Variants in C1orf21 observed in about 807,000 individuals in gnomAD.
C1orf21 encodes chromosome 1 open reading frame 21.
In C1orf21, 3 loss-of-function variants were observed where a neutral mutation model predicts 18.7. The ratio of observed to expected loss-of-function variants is 0.16; its 90% CI spans 0.07 to 0.42. The LOEUF is 0.42. C1orf21 is among the 10% of genes least tolerant of loss of function. The probability of loss-of-function intolerance (pLI) is 0.99; values close to 1 mark genes in which losing one functional copy is unlikely to be tolerated. For synonymous variants in C1orf21, 41 were observed against 46.4 expected, an observed-to-expected ratio of 0.88 and a Z score of 0.47; for missense variants, 104 against 143.6, an observed-to-expected ratio of 0.72 and a Z score of 1.41.
chr1:184,521,605 A>C (rs529570129), intron 3 of C1orf21, among the ~76,000 whole-genome samples: 2 of 152,340 alleles, frequency 1.3e-5, no homozygotes, highest in East Asian at 3.9e-4. Context: ...ACAAAAAAGA[A>C]GGGTGTATAG....
rs532462000 is a variant in C1orf21 at position 184,577,342 on chromosome 1, G to A, written c.190-13397G>A. 4.9e-4 allele frequency among the ~76,000 whole-genome samples: 75 copies of A among 152,150 alleles called. 1 individual carries two copies. Among genetic ancestry groups the A allele is most frequent in the African/African-American group, 1.7e-3 (71 of 41,500 alleles). ...CTATGGACCGAGGCGGGTCGGTGAT[G>A]TGTAGAAGCTAGAAAGGCAATGAAA... On this transcript the variant is annotated intron_variant, in intron 3 of 5. Coordinates refer to ENST00000235307, the MANE Select transcript of C1orf21 (RefSeq NM_030806.4).
intron 1 of C1orf21, among the ~76,000 whole-genome samples, chr1:184,471,796 G>T (rs1657500160): frequency 6.6e-6 from 1 of 152,144 alleles, no homozygotes; most frequent in Admixed American, 6.5e-5. Flanking sequence ...CAAAATCCTT[G>T]TATCTTTGGA....
chr1:184,622,253 T>C lies in C1orf21; in HGVS notation c.*2697T>C, dbSNP rs1023312664. ...GGGTAAGTGGCCTGGTGAGTGGAGG[T>C]AGAAAAATGATGAGAAATGAACTGA... On this transcript the variant is annotated 3_prime_UTR_variant, in exon 6 of 6. Transcript: ENST00000235307. 6.6e-6 allele frequency: 1 copy of C among 151,568 alleles called. No individual in the cohort carries two copies. The highest frequency in any genetic ancestry group is 2.4e-5 in the African/African-American group (1 of 41,144). The allele number at this position is 151,568 out of a possible 1,614,324, so 9.4% of individuals were successfully genotyped here.
At chr1:184,614,374 A>G (rs1659786354) in intron 5 of C1orf21, among the ~76,000 whole-genome samples, 1 of 152,196 alleles carries the variant, frequency 6.6e-6, no homozygotes, top group Admixed American at 6.5e-5. Flanking sequence ...CCAGTGGGAG[A>G]ATACTCAGTT....
At chr1:184,442,543 C>A (rs1656965083) in intron 1 of C1orf21, among the ~76,000 whole-genome samples, 1 of 152,118 alleles carries the variant, frequency 6.6e-6, no homozygotes, top group Non-Finnish European at 1.5e-5. Flanking sequence ...GATATAGGGC[C>A]TAGAATTATT....
intron 1 of C1orf21, among the ~76,000 whole-genome samples, chr1:184,392,230 A>G (rs1655980047): frequency 6.6e-6 from 1 of 152,192 alleles, no homozygotes; most frequent in African/African-American, 2.4e-5. Flanking sequence ...CAGCCGTAGC[A>G]GTCAGGATTT....
intron 3 of C1orf21, 63 bp downstream of exon 3, chr1:184,507,745 C>G: frequency 1.5e-6 from 2 of 1,315,014 alleles, no homozygotes; most frequent in Non-Finnish European, 2.1e-6. Context: ...AAAATCTGCA[C>G]TGCATGTTTT....
intron 4 of C1orf21, among the ~76,000 whole-genome samples, chr1:184,591,299 A>G (rs1659432754): frequency 6.6e-6 from 1 of 152,248 alleles, no homozygotes; most frequent in Admixed American, 6.5e-5. Flanking sequence ...GTAACAGAAC[A>G]GAATAATGAA....
chr1:184,607,649 G>GTA (rs1437415973), intron 5 of C1orf21, among the ~76,000 whole-genome samples: 1 of 148,856 alleles, frequency 6.7e-6, no homozygotes, highest in Non-Finnish European at 1.5e-5. Context: ...ATATGTGTGT[G>GTA]TATATATACA....
At chr1:184,545,531 G>A (rs756303239) in intron 3 of C1orf21, among the ~76,000 whole-genome samples, 12 of 151,948 alleles carry the variant, frequency 7.9e-5, no homozygotes, top group Non-Finnish European at 1.5e-4. Flanking sequence ...AGTCTGTACC[G>A]ATGCTCGTGT....
chr1:184,510,242 C>A (rs143176611), intron 3 of C1orf21, among the ~76,000 whole-genome samples: 12 of 152,326 alleles, frequency 7.9e-5, no homozygotes, highest in African/African-American at 2.6e-4. Flanking sequence ...AAGTCACAGT[C>A]CTCAAGGAGC....
intron 5 of C1orf21, among the ~76,000 whole-genome samples, chr1:184,612,985 C>T (rs1234188814): frequency 1.3e-5 from 2 of 152,050 alleles, no homozygotes; most frequent in African/African-American, 4.8e-5. Context: ...GAGTTTCACT[C>T]TGTCACCCAG....
chr1:184,559,527 CTTCCTTCCTT>C (rs1658927794), intron 3 of C1orf21, among the ~76,000 whole-genome samples: 1 of 123,764 alleles, frequency 8.1e-6, no homozygotes, highest in African/African-American at 3.6e-5. Flanking sequence ...TCCTTCCTTC[CTTCCTTCCTT>C]CCTTCCTTCC....
At chr1:184,408,815 G>A (rs929621008) in intron 1 of C1orf21, among the ~76,000 whole-genome samples, 4 of 152,112 alleles carry the variant, frequency 2.6e-5, no homozygotes, top group Admixed American at 1.3e-4. Flanking sequence ...TTGTGAGGCC[G>A]ATCAGGTTTC....
At chr1:184,454,875 G>GAT (rs745419828) in intron 1 of C1orf21, among the ~76,000 whole-genome samples, 3 of 151,980 alleles carry the variant, frequency 2.0e-5, no homozygotes, top group Admixed American at 1.3e-4. Flanking sequence ...GTGCTATATA[G>GAT]ATATATATAT....
chr1:184,574,081 T>C (rs1659151567), intron 3 of C1orf21, among the ~76,000 whole-genome samples: 1 of 151,882 alleles, frequency 6.6e-6, no homozygotes, highest in South Asian at 2.1e-4. Flanking sequence ...GGTACACGCC[T>C]GTAATCCCAG....
intron 1 of C1orf21, among the ~76,000 whole-genome samples, chr1:184,445,606 C>T (rs1288385023): frequency 6.6e-6 from 1 of 151,668 alleles, no homozygotes; most frequent in Non-Finnish European, 1.5e-5. Flanking sequence ...TTGGAACATA[C>T]TTGCTGTAGA....
chr1:184,548,447 C>G (rs2101980605), intron 3 of C1orf21, among the ~76,000 whole-genome samples: 1 of 147,982 alleles, frequency 6.8e-6, no homozygotes, highest in East Asian at 2.0e-4. Flanking sequence ...CGGAGTCTCC[C>G]TCTGTCGCCC....
intron 3 of C1orf21, among the ~76,000 whole-genome samples, chr1:184,543,369 A>G (rs1658685710): frequency 6.6e-6 from 1 of 152,136 alleles, no homozygotes; most frequent in African/African-American, 2.4e-5. Context: ...TCTTTCTCTG[A>G]CCATTGTAGC....
Sources: allele counts gnomAD v4.1 joint callset (sites outside exome capture counted in the v4.1 genomes callset), GRCh38; gene constraint gnomAD v4.1.1; transcripts MANE v1.5; gene names NCBI Gene and HGNC (gene_info 2026-07-23, HGNC 2026-07-21).